Variants in TMEM135 observed in about 807,000 individuals in gnomAD.
TMEM135 encodes the protein peroxisomal membrane protein 52.
A neutral mutation model predicts 60.3 loss-of-function variants in TMEM135; 30 were observed. The observed-to-expected ratio is 0.50, with a 90% CI of 0.37 to 0.68. The LOEUF is 0.68. TMEM135 is among the 30% of genes least tolerant of loss of function. TMEM135 has a pLI of 0.00. For missense variants in TMEM135, 468 were observed against 548.8 expected (o/e 0.85, Z 1.47); for synonymous variants, 190 against 186.7 (o/e 1.02, Z -0.14).
intron 3 of TMEM135, among the ~76,000 whole-genome samples, chr11:87,078,886 T>G (rs1856927210): frequency 6.6e-6 from 1 of 152,162 alleles, no homozygotes; most frequent in Non-Finnish European, 1.5e-5. Flanking sequence ...CCTCCCAAAG[T>G]ACTGGGATTA....
chr11:87,243,285 A>G (rs1314099519), intron 6 of TMEM135, among the ~76,000 whole-genome samples: 1 of 145,756 alleles, frequency 6.9e-6, no homozygotes, highest in Non-Finnish European at 1.5e-5. Context: ...GTGAGGTAGC[A>G]TGATGCCTCC....
chr11:87,078,316 A>G (rs1856915850), intron 3 of TMEM135, among the ~76,000 whole-genome samples: 1 of 152,192 alleles, frequency 6.6e-6, no homozygotes, highest in African/African-American at 2.4e-5. Flanking sequence ...GATTTTTCTC[A>G]GATGACTAAT....
chr11:87,185,538 A>G (rs1939631231), intron 5 of TMEM135, among the ~76,000 whole-genome samples: 1 of 152,154 alleles, frequency 6.6e-6, no homozygotes, highest in Non-Finnish European at 1.5e-5. Flanking sequence ...GAAATAAATC[A>G]TAATTGGTTT....
chr11:87,106,266 A>G (rs1857594620), intron 4 of TMEM135, among the ~76,000 whole-genome samples: 1 of 151,646 alleles, frequency 6.6e-6, no homozygotes, highest in Non-Finnish European at 1.5e-5. Flanking sequence ...ACAACGCCTG[A>G]CTACTTTTTG....
chr11:87,128,679 CACTTTGGAAA>C (rs936648217), intron 4 of TMEM135, among the ~76,000 whole-genome samples: 4 of 152,100 alleles, frequency 2.6e-5, no homozygotes, highest in African/African-American at 9.7e-5. Context: ...AATTTGCAAA[CACTTTGGAAA>C]ACGGTTTGTT....
At chr11:87,269,436 C>T (rs1379684095) in intron 6 of TMEM135, among the ~76,000 whole-genome samples, 2 of 151,396 alleles carry the variant, frequency 1.3e-5, no homozygotes, top group Non-Finnish European at 2.9e-5. Context: ...TGCTGGTGTG[C>T]TGCACCCATT....
At chr11:87,168,958 G>T (rs140779643) in intron 5 of TMEM135, among the ~76,000 whole-genome samples, 1,626 of 152,038 alleles carry the variant, frequency 0.011, 25 homozygotes, top group African/African-American at 0.038. Context: ...GGTCTCTAAG[G>T]ACTTGCTTTA....
intron 4 of TMEM135, among the ~76,000 whole-genome samples, chr11:87,151,466 A>G (rs1441550943): frequency 6.6e-6 from 1 of 151,808 alleles, no homozygotes; most frequent in Non-Finnish European, 1.5e-5. Context: ...TTTCTTCCAC[A>G]TTTCTTTTTT....
chr11:87,298,311 A>T (rs769119156), intron 7 of TMEM135, among the ~76,000 whole-genome samples: 2 of 152,212 alleles, frequency 1.3e-5, no homozygotes, highest in Non-Finnish European at 2.9e-5. Flanking sequence ...GATTGAAAGG[A>T]ATACAATCAT....
chr11:87,167,921 T>C (rs181365836), intron 5 of TMEM135, among the ~76,000 whole-genome samples: 5 of 152,294 alleles, frequency 3.3e-5, no homozygotes, highest in African/African-American at 1.2e-4. Context: ...AGAATTCAGG[T>C]GTGAATCTGT....
chr11:87,046,781 G>C (rs1446790516), intron 1 of TMEM135, among the ~76,000 whole-genome samples: 1 of 152,206 alleles, frequency 6.6e-6, no homozygotes, highest in East Asian at 1.9e-4. Context: ...CAGAGGAAAA[G>C]AAAGAAGCAG....
At chr11:87,293,863 T>C (rs1942307601) in intron 6 of TMEM135, among the ~76,000 whole-genome samples, 1 of 152,226 alleles carries the variant, frequency 6.6e-6, no homozygotes, top group East Asian at 1.9e-4. Context: ...TTGTATTCCT[T>C]TGGGTATATA....
intron 6 of TMEM135, among the ~76,000 whole-genome samples, chr11:87,246,836 G>A (rs28783767): frequency 1.0e-5 from 1 of 99,502 alleles, no homozygotes; most frequent in African/African-American, 3.9e-5. Flanking sequence ...TTGTCTGAAG[G>A]CTTCTTCTCT....
intron 5 of TMEM135, among the ~76,000 whole-genome samples, chr11:87,159,235 T>C (rs1423871363): frequency 2.6e-4 from 39 of 152,274 alleles, no homozygotes. Context: ...TATAATGAGG[T>C]TAAAAGTGTA....
chr11:87,065,967 T>A (rs1856642741), intron 1 of TMEM135, among the ~76,000 whole-genome samples: 1 of 152,240 alleles, frequency 6.6e-6, no homozygotes, highest in African/African-American at 2.4e-5. Flanking sequence ...TTTATGTTCC[T>A]TGAAGGAAAA....
chr11:87,315,157 C>CCTCCTCCTCCTCTTCCTT (rs1942706579), intron 12 of TMEM135, among the ~76,000 whole-genome samples: 1 of 151,680 alleles, frequency 6.6e-6, no homozygotes, highest in Non-Finnish European at 1.5e-5. Flanking sequence ...TCCTCCTCCT[C>CCTCCTCCTCCTCTTCCTT]CTCCTCCTCC....
intron 4 of TMEM135, among the ~76,000 whole-genome samples, chr11:87,134,866 TGA>T (rs1938047630): frequency 6.6e-6 from 1 of 152,220 alleles, no homozygotes; most frequent in East Asian, 1.9e-4. Context: ...TGGCATTGTG[TGA>T]GAGTTCTAGT....
chr11:87,220,009 A>G (rs1182946692), intron 5 of TMEM135, among the ~76,000 whole-genome samples: 3 of 152,224 alleles, frequency 2.0e-5, no homozygotes, highest in Non-Finnish European at 1.5e-5. Flanking sequence ...CTAGGTTCTC[A>G]TGAAATTTTT....
At chr11:87,216,454 T>C (rs1940503037) in intron 5 of TMEM135, among the ~76,000 whole-genome samples, 1 of 152,132 alleles carries the variant, frequency 6.6e-6, no homozygotes, top group South Asian at 2.1e-4. Flanking sequence ...TTCCAAGATA[T>C]TCTTCATGTA....
Sources: gnomAD v4.1 joint callset for allele counts (sites outside exome capture counted in the v4.1 genomes callset) on GRCh38, gnomAD v4.1.1 for gene constraint, MANE v1.5 for transcripts, NCBI Gene and HGNC (gene_info 2026-07-23, HGNC 2026-07-21) for gene names.